MYO16: variants seen among roughly 807,000 people sequenced by gnomAD.
MYO16 encodes the protein unconventional myosin-XVI.
A neutral mutation model predicts 205.3 loss-of-function variants in MYO16; 94 were observed. That is an observed-to-expected ratio of 0.46 (90% confidence interval 0.39 to 0.54). MYO16 has a LOEUF of 0.54. Among genes scored for constraint, MYO16 ranks in the 20% least tolerant of loss-of-function variants. MYO16 has a pLI of 0.00. For synonymous variants in MYO16, 988 were observed against 954.0 expected (o/e 1.04, Z -0.66); for missense variants, 2,315 against 2,387.5 (o/e 0.97, Z 0.63).
At chr13:108,972,063 CCAGGTGTGA>C (rs1884035675) in intron 20 of MYO16, among the ~76,000 whole-genome samples, 2 of 149,036 alleles carry the variant, frequency 1.3e-5, no homozygotes, top group Admixed American at 1.3e-4. Flanking sequence ...AAAAAGTTAG[CCAGGTGTGA>C]TGGTACATAC....
At chr13:108,537,365 T>C in the MYO16 span, among the ~76,000 whole-genome samples, 2 of 152,180 alleles carry the variant, frequency 1.3e-5, no homozygotes, top group Admixed American at 1.3e-4. Context: ...TATTCCATGA[T>C]GTATATTTTC....
At chr13:109,072,535 C>G (rs1260172742) in intron 27 of MYO16, among the ~76,000 whole-genome samples, 1 of 151,678 alleles carries the variant, frequency 6.6e-6, no homozygotes, top group Non-Finnish European at 1.5e-5. Flanking sequence ...TCCTCTTTTT[C>G]TTTTGCTACT....
chr13:109,115,118 T>C (rs943558735), intron 28 of MYO16, among the ~76,000 whole-genome samples: 1 of 151,662 alleles, frequency 6.6e-6, no homozygotes, highest in Non-Finnish European at 1.5e-5. Context: ...AAATTGTCTT[T>C]TAAAAAAAAA....
At chr13:108,907,853 G>A (rs1881064276) in intron 15 of MYO16, among the ~76,000 whole-genome samples, 1 of 152,038 alleles carries the variant, frequency 6.6e-6, no homozygotes, top group African/African-American at 2.4e-5. Context: ...GATAGATGGG[G>A]GTTAGCCAAC....
At chr13:108,589,140 CTTG>C in the MYO16 span, among the ~76,000 whole-genome samples, 17 of 152,290 alleles carry the variant, frequency 1.1e-4, no homozygotes, top group Admixed American at 3.3e-4. Flanking sequence ...TCTGCTTACA[CTTG>C]TTGTGCTGGA....
At chr13:108,634,208 C>T (rs191838550) in intron 1 of MYO16, among the ~76,000 whole-genome samples, 3 of 152,302 alleles carry the variant, frequency 2.0e-5, no homozygotes, top group African/African-American at 7.2e-5. Flanking sequence ...GAGACCCCTT[C>T]TTCTAACTCC....
rs1490962704 is a variant in MYO16, at chr13:108,666,009, A to G, written c.152A>G (p.Lys51Arg). The change falls in exon 2 of 35, where the codon AAA becomes AGA. Residue 51 changes from lysine to arginine, a missense_variant. Lys to Arg is a conservative substitution (Grantham distance 26). Coordinates refer to ENST00000457511, the MANE Select transcript of MYO16 (RefSeq NM_001198950.3). Reference protein sequence around the residue: ...LVKRMRCEQIKAYYEREKAFQ... With the variant: ...LVKRMRCEQIRAYYEREKAFQ... ...AAGCGCATGCGCTGTGAGCAAATCAAAGCCTACTATGAGCGCGAGAAGGCT... is the reference window on the plus strand; with the variant it reads ...AAGCGCATGCGCTGTGAGCAAATCAGAGCCTACTATGAGCGCGAGAAGGCT... 1 of 1,614,036 alleles carries G rather than the reference A, an allele frequency of 6.2e-7. No homozygotes were observed. Among genetic ancestry groups the G allele is most frequent in the Non-Finnish European group, 8.5e-7 (1 of 1,180,016 alleles).
chr13:109,106,644 G>A (rs565071235), intron 28 of MYO16, among the ~76,000 whole-genome samples: 2 of 152,274 alleles, frequency 1.3e-5, no homozygotes, highest in African/African-American at 4.8e-5. Context: ...CATCTGGAGG[G>A]ATGACGAATG....
intron 31 of MYO16, among the ~76,000 whole-genome samples, chr13:109,132,413 T>C (rs1177682958): frequency 6.6e-6 from 1 of 152,248 alleles, no homozygotes; most frequent in East Asian, 1.9e-4. Context: ...ATGGCTCAGC[T>C]CTGTGGCTTA....
chr13:108,710,850 G>A (rs914835624), intron 2 of MYO16, among the ~76,000 whole-genome samples: 5 of 152,316 alleles, frequency 3.3e-5, no homozygotes, highest in African/African-American at 1.2e-4. Flanking sequence ...TCACACTTAT[G>A]CTATTTCTTT....
intron 27 of MYO16, among the ~76,000 whole-genome samples, chr13:109,076,261 CTCTTA>C (rs1330501342): frequency 2.0e-5 from 3 of 152,132 alleles, no homozygotes; most frequent in South Asian, 2.1e-4. Context: ...TTAATTTCAG[CTCTTA>C]TCTTATTTCC....
At chr13:108,650,095 A>T (rs1038558504) in intron 1 of MYO16, among the ~76,000 whole-genome samples, 1 of 152,104 alleles carries the variant, frequency 6.6e-6, no homozygotes, top group Non-Finnish European at 1.5e-5. Flanking sequence ...AAAATGTTTT[A>T]TATCAAAAAA....
At chr13:108,622,467 G>A (rs949429655) in intron 1 of MYO16, among the ~76,000 whole-genome samples, 1 of 152,108 alleles carries the variant, frequency 6.6e-6, no homozygotes, top group African/African-American at 2.4e-5. Context: ...CCCACTAGAG[G>A]AGCCTTGGTC....
At chr13:108,519,024 C>A in the MYO16 span, among the ~76,000 whole-genome samples, 1 of 152,046 alleles carries the variant, frequency 6.6e-6, no homozygotes, top group African/African-American at 2.4e-5. Context: ...GAGACACCAA[C>A]TTTAAGCATC....
chr13:108,932,852 A>T (rs529996419), intron 16 of MYO16, among the ~76,000 whole-genome samples: 41 of 152,234 alleles, frequency 2.7e-4, no homozygotes, highest in Non-Finnish European at 5.4e-4. Flanking sequence ...GTTCCCACAG[A>T]CACTGAGAAT....
At chr13:108,965,351 A>T (rs1883754241) in intron 20 of MYO16, among the ~76,000 whole-genome samples, 1 of 152,116 alleles carries the variant, frequency 6.6e-6, no homozygotes, top group African/African-American at 2.4e-5. Context: ...TATTTCGTGG[A>T]TTATGGATAG....
chr13:108,605,378 G>A (rs1878915387), intron 1 of MYO16, among the ~76,000 whole-genome samples: 1 of 152,076 alleles, frequency 6.6e-6, no homozygotes, highest in South Asian at 2.1e-4. Flanking sequence ...AATGTTGCAG[G>A]GTACTGATAT....
intron 33 of MYO16, among the ~76,000 whole-genome samples, chr13:109,179,218 T>C (rs1294423929): frequency 6.6e-6 from 1 of 152,198 alleles, no homozygotes; most frequent in African/African-American, 2.4e-5. Context: ...TGACCCCGTA[T>C]GCTTCTTCAA....
At chr13:108,750,367 G>A (rs1475775337) in intron 4 of MYO16, among the ~76,000 whole-genome samples, 1 of 152,126 alleles carries the variant, frequency 6.6e-6, no homozygotes, top group Non-Finnish European at 1.5e-5. Flanking sequence ...GAAGAGGATG[G>A]AAAAAAGTAA....
Sources: allele counts gnomAD v4.1 joint callset (sites outside exome capture counted in the v4.1 genomes callset), GRCh38; gene constraint gnomAD v4.1.1; transcripts MANE v1.5; gene names NCBI Gene and HGNC (gene_info 2026-07-23, HGNC 2026-07-21).